Variants in UPF2 observed in about 807,000 individuals in gnomAD.
UPF2 encodes the protein regulator of nonsense transcripts 2.
UPF2 carries 17 observed loss-of-function variants against 141.4 expected under a neutral mutation model. That is an observed-to-expected ratio of 0.12 (90% CI 0.08 to 0.18). UPF2 has a LOEUF of 0.18. Ranked by LOEUF, UPF2 falls within the 10% of genes least tolerant of loss-of-function variation. The pLI is 1.00. For missense variants in UPF2, 1,152 were observed against 1,515.9 expected (o/e 0.76, Z 3.99); for synonymous variants, 540 against 498.0 (o/e 1.08, Z -1.12).
chr10:11,930,036 T>C (rs1396995843), intron 20 of UPF2, 51 bp from the exon 21 acceptor site: 3 of 1,612,522 alleles, frequency 1.9e-6, no homozygotes, highest in African/African-American at 2.7e-5. Context: ...AGAAATGTAC[T>C]CCTCCTACAG....
At chr10:12,039,177 C>A (rs141273369) in intron 1 of UPF2, among the ~76,000 whole-genome samples, 1 of 152,216 alleles carries the variant, frequency 6.6e-6, no homozygotes, top group Non-Finnish European at 1.5e-5. Context: ...ATTATTTTCC[C>A]TATTTTATAA....
At chr10:12,002,986 T>A (rs1387570712) in intron 5 of UPF2, among the ~76,000 whole-genome samples, 1 of 152,210 alleles carries the variant, frequency 6.6e-6, no homozygotes, top group Non-Finnish European at 1.5e-5. Flanking sequence ...CACAGAAATG[T>A]CTTACTGATA....
intron 8 of UPF2, among the ~76,000 whole-genome samples, chr10:11,994,444 C>T (rs1336491719): frequency 6.6e-6 from 1 of 152,122 alleles, no homozygotes. Context: ...GGAGAATACA[C>T]AAGCATCAAG....
intron 9 of UPF2, among the ~76,000 whole-genome samples, chr10:11,969,724 T>C (rs1418215378): frequency 6.6e-6 from 1 of 152,208 alleles, no homozygotes; most frequent in Non-Finnish European, 1.5e-5. Flanking sequence ...CGAGGATTGA[T>C]TGAGTGTGCA....
At chr10:12,037,563 T>G (rs1043168429) in intron 1 of UPF2, among the ~76,000 whole-genome samples, 1 of 152,022 alleles carries the variant, frequency 6.6e-6, no homozygotes, top group South Asian at 2.1e-4. Context: ...ACTCAGCTAA[T>G]TTTTGTATTT....
chr10:11,964,263 G>T, intron 10 of UPF2, 138 bp from the exon 11 acceptor site: 1 of 480,182 alleles, frequency 2.1e-6, no homozygotes, highest in Non-Finnish European at 3.6e-6. Context: ...TCACTGCTGA[G>T]CATCTTTTGT....
chr10:12,015,250 A>G (rs993817688), intron 3 of UPF2, among the ~76,000 whole-genome samples: 23 of 152,230 alleles, frequency 1.5e-4, no homozygotes, highest in African/African-American at 5.5e-4. Context: ...CAGTGAAGAA[A>G]ACGAGGTTTT....
chr10:11,991,081 G>A (rs7073825), intron 8 of UPF2, among the ~76,000 whole-genome samples: 127,219 of 151,960 alleles, frequency 0.84, 53,697 homozygotes, highest in East Asian at 1. Context: ...TACAGCATCA[G>A]TGCAAAGGTA....
chr10:12,001,720 C>G lies in UPF2; in HGVS notation c.1610G>C (p.Gly537Ala), dbSNP rs1474589219. The G allele has an allele frequency of 3.1e-6, 5 of 1,611,428 alleles. No individual in the cohort carries two copies. The highest frequency in any genetic ancestry group is 4.2e-6 in the Non-Finnish European group (5 of 1,179,298). Reference protein sequence around the residue: ...INDDTLELEGGDEAEDLTKKL... With the variant: ...INDDTLELEGADEAEDLTKKL... ...CTTTGTAAGATCTTCAGCTTCATCTCCACCCTCTAATTCTAAGGTGTCATC... is the reference window on the plus strand; with the variant it reads ...CTTTGTAAGATCTTCAGCTTCATCTGCACCCTCTAATTCTAAGGTGTCATC... The change falls in exon 6 of 22, where the codon GGA becomes GCA. Residue 537 changes from glycine to alanine, a missense_variant. Physicochemically the swap from Gly to Ala is moderately conservative, Grantham distance 60. Transcript: ENST00000357604.
chr10:11,945,611 T>C (rs1832991061), intron 16 of UPF2, among the ~76,000 whole-genome samples: 1 of 152,204 alleles, frequency 6.6e-6, no homozygotes, highest in South Asian at 2.1e-4. Context: ...CTGTGCAACA[T>C]GCATTCTCCA....
Position 12,035,087 on chromosome 10 carries a change from G to C in UPF2, c.337C>G (p.Gln113Glu). The C allele has an allele frequency of 6.4e-7, 1 of 1,572,948 alleles. No homozygotes were observed. The highest frequency in any genetic ancestry group is 8.6e-7 in the Non-Finnish European group (1 of 1,169,560). ...KKQEEQAKRQ[Q>E]EEEAAAQMKE... The stretch of plus-strand genomic sequence containing the variant: ...ATCTGAGCAGCTGCTTCTTCTTCTT[G>C]CTGACGTTTGGCCTGCTCTTCTTGC... The change falls in exon 2 of 22, where the codon CAA becomes GAA. Residue 113 changes from glutamine (Q) to glutamate (E), a missense_variant. This residue lies in a region of UPF2 where 145 missense variants were observed against 136.5 expected (regional missense o/e 1.06). Coordinates refer to ENST00000357604, the MANE Select transcript of UPF2 (RefSeq NM_015542.4).
At chr10:12,026,670 G>C (rs1588577499) in intron 3 of UPF2, 1 of 425,974 alleles carries the variant, frequency 2.3e-6, no homozygotes, top group South Asian at 1.7e-5. Flanking sequence ...TTTTTTTTAG[G>C]ACGAAGTCTC....
intron 21 of UPF2, among the ~76,000 whole-genome samples, chr10:11,927,394 C>T (rs1029626023): frequency 6.6e-6 from 1 of 152,162 alleles, no homozygotes; most frequent in African/African-American, 2.4e-5. Flanking sequence ...TTTCCCATTA[C>T]TTTTATTGGC....
intron 9 of UPF2, among the ~76,000 whole-genome samples, chr10:11,970,698 G>C (rs1833401696): frequency 6.6e-6 from 1 of 152,144 alleles, no homozygotes; most frequent in South Asian, 2.1e-4. Flanking sequence ...TGTAATCCCA[G>C]CTACTCGGGA....
chr10:11,978,276 T>A (rs925085379), intron 9 of UPF2, among the ~76,000 whole-genome samples: 1 of 152,262 alleles, frequency 6.6e-6, no homozygotes, highest in African/African-American at 2.4e-5. Flanking sequence ...GAGCAACTTA[T>A]GATAAAGCGA....
rs759707923 is a variant in UPF2, at chr10:11,942,783, A to T, written c.3280-20T>A. 2.1e-5 allele frequency: 34 copies of T among 1,606,058 alleles called. No individual in the cohort carries two copies. The highest frequency in any genetic ancestry group is 1.7e-4 in the Middle Eastern group (1 of 6,028). ...TACCTCCTTATTAAAACAAAACAAC[A>T]AAATCAGACCAGAAATTTTAACTGT... On this transcript the variant is annotated intron_variant, in intron 17 of 21. Coordinates refer to ENST00000357604, the MANE Select transcript of UPF2 (RefSeq NM_015542.4).
chr10:12,008,071 T>C (rs1323516425), intron 4 of UPF2, among the ~76,000 whole-genome samples: 2 of 151,580 alleles, frequency 1.3e-5, no homozygotes, highest in African/African-American at 4.8e-5. Flanking sequence ...TTTGTAGGGA[T>C]GGGGTTTCAC....
Position 11,992,015 on chromosome 10 carries a change from G to T in UPF2, c.1844+5657C>A, listed in dbSNP as rs1297867168. 6.8e-6 allele frequency among the ~76,000 whole-genome samples: 1 copy of T among 147,048 alleles called. No individual in the cohort carries two copies. The highest frequency in any genetic ancestry group is 2.5e-5 in the African/African-American group (1 of 40,592). ...ACAAAAATTAGCTGGGCGTGGTGGC[G>T]GGCGCCTGTAATCCCAGCTACTCAG... On this transcript the variant is annotated intron_variant, in intron 8 of 21. Transcript: ENST00000357604. This position sits in a 1 kb window ranked among gnomAD's most constrained non-coding sequence, Gnocchi z 4.1.
At chr10:11,981,433 G>A (rs1833591756) in intron 8 of UPF2, among the ~76,000 whole-genome samples, 1 of 152,108 alleles carries the variant, frequency 6.6e-6, no homozygotes, top group African/African-American at 2.4e-5. Flanking sequence ...GCTGAGAGAA[G>A]TCAGCAATAT....
Sources: gnomAD v4.1 joint callset for allele counts (sites outside exome capture counted in the v4.1 genomes callset) on GRCh38, gnomAD v4.1.1 for gene constraint, gnomAD v4.1.1 regional missense constraint, Gnocchi (gnomAD v3.1) non-coding constraint, MANE v1.5 for transcripts, NCBI Gene and HGNC (gene_info 2026-07-23, HGNC 2026-07-21) for gene names.